The following PAPPA2 variants were observed in gnomAD, a reference collection of about 807,000 sequenced individuals.
PAPPA2 encodes pappalysin 2, also known as pappalysin-2.
Under a neutral mutation model 176.4 loss-of-function variants are expected in PAPPA2, and 86 were observed. The observed-to-expected ratio is 0.49, with a 90% confidence interval of 0.41 to 0.58. The LOEUF is 0.58. Ranked by LOEUF, PAPPA2 falls within the 20% of genes least tolerant of loss-of-function variation. The pLI, the probability that PAPPA2 is intolerant of heterozygous loss-of-function variation, is 0.00. For missense variants in PAPPA2, 2,073 were observed against 2,256.9 expected (o/e 0.92, Z 1.65); for synonymous variants, 809 against 852.2 (o/e 0.95, Z 0.88).
chr1:176,580,408 C>T (rs573981708), intron 2 of PAPPA2, among the ~76,000 whole-genome samples: 3 of 152,114 alleles, frequency 2.0e-5, no homozygotes, highest in Admixed American at 6.6e-5. Flanking sequence ...TCTATTCATC[C>T]GTTGTTGGGC....
At chr1:176,513,130 A>C (rs1406591911) in intron 1 of PAPPA2, among the ~76,000 whole-genome samples, 2 of 151,854 alleles carry the variant, frequency 1.3e-5, no homozygotes, top group East Asian at 3.9e-4. Context: ...ATAATTGTGT[A>C]AGCCATTCTT....
rs1335891927 is a variant in PAPPA2, at chr1:176,769,638, A to C, written c.4355A>C (p.His1452Pro). ...KEILLTCSSG[H>P]WDQNVSCLPV... ...ATTCTGCTCACATGTTCTTCTGGGC[A>C]CTGGGACCAGAATGTGAGCTGCCTT... Residue 1452 changes from histidine to proline, a missense_variant, in exon 16 of 23, where the codon CAC (histidine) becomes CCC (proline). Physicochemically the swap from His to Pro is moderately conservative, Grantham distance 77. Around this residue, in one of 4 missense-constraint regions of PAPPA2, gnomAD observed 846 missense variants for 857.9 expected, o/e 0.99. Transcript: ENST00000367662. 6.2e-7 allele frequency: 1 copy of C among 1,613,594 alleles called. No homozygotes were observed. Among genetic ancestry groups the C allele is most frequent in the Non-Finnish European group, 8.5e-7 (1 of 1,179,878 alleles).
intron 11 of PAPPA2, among the ~76,000 whole-genome samples, chr1:176,710,932 C>T (rs922467181): frequency 3.3e-5 from 5 of 152,142 alleles, no homozygotes; most frequent in African/African-American, 4.8e-5. Context: ...CCTTCTTCCT[C>T]CTGCTCAAAA....
chr1:176,728,903 G>A (rs147119255), intron 12 of PAPPA2, among the ~76,000 whole-genome samples: 2 of 151,882 alleles, frequency 1.3e-5, no homozygotes, highest in African/African-American at 2.4e-5. Context: ...ACATATTGTT[G>A]CCCAAACCCG....
intron 3 of PAPPA2, among the ~76,000 whole-genome samples, chr1:176,600,199 C>T: frequency 6.6e-6 from 1 of 152,108 alleles, no homozygotes; most frequent in East Asian, 1.9e-4. Context: ...GGGTTTAAAT[C>T]CAGGCTGAGG....
intron 1 of PAPPA2, among the ~76,000 whole-genome samples, chr1:176,473,988 T>C (rs1366445207): frequency 6.6e-6 from 1 of 152,204 alleles, no homozygotes; most frequent in Non-Finnish European, 1.5e-5. Context: ...TGATATTTGA[T>C]GGAATTTTTG....
At chr1:176,715,945 T>C (rs1167309993) in intron 12 of PAPPA2, among the ~76,000 whole-genome samples, 4 of 151,790 alleles carry the variant, frequency 2.6e-5, no homozygotes, top group African/African-American at 7.3e-5. Context: ...GGCAAGTCTA[T>C]GCAGTTATTA....
intron 7 of PAPPA2, among the ~76,000 whole-genome samples, chr1:176,696,406 A>G (rs1264866401): frequency 6.6e-6 from 1 of 152,056 alleles, no homozygotes; most frequent in African/African-American, 2.4e-5. Context: ...GTTCTCGTCT[A>G]TGCTATTTTA....
At chr1:176,799,648 C>T (rs886303446) in intron 20 of PAPPA2, among the ~76,000 whole-genome samples, 1 of 152,168 alleles carries the variant, frequency 6.6e-6, no homozygotes, top group Non-Finnish European at 1.5e-5. Context: ...TCTTTAAAAG[C>T]CCATTGTGTG....
At chr1:176,759,884 C>T (rs1158250365) in intron 14 of PAPPA2, among the ~76,000 whole-genome samples, 1 of 152,130 alleles carries the variant, frequency 6.6e-6, no homozygotes, top group African/African-American at 2.4e-5. Flanking sequence ...TGGGAACCTG[C>T]CCCTAAGTCT....
intron 20 of PAPPA2, among the ~76,000 whole-genome samples, chr1:176,798,313 C>T (rs1223871632): frequency 6.6e-6 from 1 of 152,038 alleles, no homozygotes; most frequent in Non-Finnish European, 1.5e-5. Flanking sequence ...CTTTAAGGGC[C>T]TTGACTAGGT....
At position 176,695,608 on chromosome 1, in the gene PAPPA2, T is replaced by C. The variant is rs1299982389; in HGVS notation, c.2625-130T>C. ...AAAACGATTGAGATACAGTTGTTCTTAGTTACTCTCTAGGTCCTTACTAAC... is the reference window on the plus strand; with the variant it reads ...AAAACGATTGAGATACAGTTGTTCTCAGTTACTCTCTAGGTCCTTACTAAC... On this transcript the variant is annotated intron_variant, in intron 6 of 22. Transcript: ENST00000367662. 7 of 1,015,108 alleles carry C rather than the reference T, an allele frequency of 6.9e-6. No homozygotes were observed. In the East Asian group the frequency reaches 1.7e-4, roughly 25 times the overall value. 62.9% of individuals were successfully genotyped at this position (1,015,108 alleles called of 1,614,324 possible).
chr1:176,829,477 G>T (rs141903060), intron 21 of PAPPA2, among the ~76,000 whole-genome samples: 1 of 152,170 alleles, frequency 6.6e-6, no homozygotes, highest in Admixed American at 6.5e-5. Context: ...GGATGAGCAC[G>T]CATGCTGGGG....
At position 176,556,290 on chromosome 1, in the gene PAPPA2, A is replaced by G. The variant is rs770364209; in HGVS notation, c.-33A>G. The G allele has an allele frequency of 5.0e-6, 8 of 1,591,784 alleles. No individual in the cohort carries two copies. The African/African-American group carries it at 1.1e-4, about 21-fold the overall frequency. On this transcript the variant is annotated 5_prime_UTR_variant, in exon 2 of 23. Transcript: ENST00000367662. ...ACTCTGGTGTGGTACCCAGAAGTTG[A>G]CTTCTGGTTCTGTAGAAAGAGCTAG...
chr1:176,783,949 C>A (rs921009922), intron 17 of PAPPA2, among the ~76,000 whole-genome samples: 11 of 152,142 alleles, frequency 7.2e-5, no homozygotes, highest in African/African-American at 2.7e-4. Flanking sequence ...TAAGTGGCTT[C>A]TACATAATTC....
chr1:176,733,594 G>GT (rs1249271823), intron 12 of PAPPA2, among the ~76,000 whole-genome samples: 2 of 152,044 alleles, frequency 1.3e-5, no homozygotes, highest in Admixed American at 6.6e-5. Context: ...GGATAGCAAT[G>GT]TTTTTTTATC....
intron 17 of PAPPA2, among the ~76,000 whole-genome samples, chr1:176,788,289 A>G (rs1032231373): frequency 6.6e-6 from 1 of 152,206 alleles, no homozygotes; most frequent in Non-Finnish European, 1.5e-5. Context: ...GAAGCTTCCA[A>G]TCTAGTGGGA....
In PAPPA2 at chr1:176,817,712, G is replaced by T. The variant is rs192989590; in HGVS notation, c.5202+17580G>T. 2.0e-5 allele frequency among the ~76,000 whole-genome samples: 3 copies of T among 147,736 alleles called. No individual in the cohort carries two copies. The East Asian group carries it at 5.9e-4, about 29-fold the overall frequency. ...CCTGGTGCTTGGGTAGATGTTGAATGCCATTAACCTCTGTTAAAAAAAAAA... is the reference window on the plus strand; with the variant it reads ...CCTGGTGCTTGGGTAGATGTTGAATTCCATTAACCTCTGTTAAAAAAAAAA... On this transcript the variant is annotated intron_variant, in intron 21 of 22. Coordinates refer to ENST00000367662, the MANE Select transcript of PAPPA2 (RefSeq NM_020318.3).
At chr1:176,578,583 T>C (rs1573069508) in intron 2 of PAPPA2, among the ~76,000 whole-genome samples, 1 of 152,158 alleles carries the variant, frequency 6.6e-6, no homozygotes, top group East Asian at 1.9e-4. Flanking sequence ...GACTCTCAGA[T>C]TTCTTCACAA....
Sources: allele counts gnomAD v4.1 joint callset (sites outside exome capture counted in the v4.1 genomes callset), GRCh38; gene constraint gnomAD v4.1.1; regional missense constraint gnomAD v4.1.1; transcripts MANE v1.5; gene names NCBI Gene and HGNC (gene_info 2026-07-23, HGNC 2026-07-21).